The following IL23R variants were observed in gnomAD, a reference collection of about 807,000 sequenced individuals.
The protein encoded by IL23R is interleukin 23 receptor, also known as interleukin-23 receptor.
IL23R carries 34 observed loss-of-function variants against 56.9 expected under a neutral mutation model. That is an observed-to-expected ratio of 0.60 (90% confidence interval 0.45 to 0.80). The LOEUF is 0.80. Ranked by LOEUF, IL23R falls within the 30% of genes least tolerant of loss-of-function variation. The pLI is 0.00. For missense variants in IL23R, 635 were observed against 730.0 expected (o/e 0.87, Z 1.50); for synonymous variants, 230 against 249.2 (o/e 0.92, Z 0.73).
intron 7 of IL23R, among the ~76,000 whole-genome samples, chr1:67,227,845 C>T (rs562247351): frequency 2.6e-5 from 4 of 152,260 alleles, no homozygotes; most frequent in East Asian, 3.9e-4. Flanking sequence ...CAGGTCCTGC[C>T]TCTGATAAAC....
intron 1 of IL23R, among the ~76,000 whole-genome samples, chr1:67,139,605 T>C (rs1646616012): frequency 6.6e-6 from 1 of 152,244 alleles, no homozygotes; most frequent in African/African-American, 2.4e-5. Flanking sequence ...ACAGTAAACA[T>C]ATTCATTTGT....
intron 4 of IL23R, among the ~76,000 whole-genome samples, chr1:67,200,197 G>T (rs1029291212): frequency 1.3e-5 from 2 of 151,504 alleles, no homozygotes; most frequent in Non-Finnish European, 2.9e-5. Context: ...CTGCCACCAC[G>T]CCCGGCTAAT....
chr1:67,160,877 A>G lies in IL23R; in HGVS notation c.-633-7215A>G, dbSNP rs554812403. On this transcript the variant is annotated intron_variant, in intron 1 of 10. Coordinates refer to the IL23R transcript ENST00000637002. ...CAGAGCTCTATTCTTTATCTGAAAAATTCTCTAAAAGTATTTAGGACATTA... is the reference window on the plus strand; with the variant it reads ...CAGAGCTCTATTCTTTATCTGAAAAGTTCTCTAAAAGTATTTAGGACATTA... 3.9e-5 allele frequency among the ~76,000 whole-genome samples: 6 copies of G among 152,258 alleles called. No homozygotes were observed. The South Asian group carries it at 6.2e-4, about 16-fold the overall frequency.
chr1:67,226,450 G>A (rs1570886888), intron 7 of IL23R, among the ~76,000 whole-genome samples: 1 of 152,156 alleles, frequency 6.6e-6, no homozygotes, highest in South Asian at 2.1e-4. Context: ...CTGTCCAGCG[G>A]CCGATCTCCT....
At chr1:67,255,763 A>G (rs1652910702) in intron 9 of IL23R, 74 bp from the exon 10 acceptor site, 6 of 798,112 alleles carry the variant, frequency 7.5e-6, no homozygotes, top group Non-Finnish European at 4.4e-6. Context: ...TTTAATATAC[A>G]TTTTATTCTA....
chr1:67,255,165 A>G (rs543710580), intron 9 of IL23R, among the ~76,000 whole-genome samples: 5 of 152,328 alleles, frequency 3.3e-5, no homozygotes, highest in African/African-American at 1.2e-4. Context: ...AAGTTCTACA[A>G]AATATCCCTT....
chr1:67,205,329 A>G (rs1648926484), intron 5 of IL23R, among the ~76,000 whole-genome samples: 3 of 152,260 alleles, frequency 2.0e-5, no homozygotes, highest in Admixed American at 6.5e-5. Flanking sequence ...TATAATAGTC[A>G]TTGTAGTAAA....
downstream of IL23R, among the ~76,000 whole-genome samples, chr1:67,262,213 A>T (rs972104166): frequency 6.6e-6 from 1 of 152,232 alleles, no homozygotes; most frequent in African/African-American, 2.4e-5. Flanking sequence ...TAACAAAACC[A>T]GTCAATCCCT....
intron 1 of IL23R, among the ~76,000 whole-genome samples, chr1:67,160,089 G>A (rs2102542706): frequency 6.6e-6 from 1 of 152,232 alleles, no homozygotes; most frequent in African/African-American, 2.4e-5. Context: ...CTGGACTCAA[G>A]CAATCCACCC....
chr1:67,146,879 C>G (rs1382447388), intron 1 of IL23R, among the ~76,000 whole-genome samples: 2 of 152,174 alleles, frequency 1.3e-5, no homozygotes, highest in Admixed American at 1.3e-4. Flanking sequence ...TGCTCTTCCC[C>G]CTTTCCAAGT....
intron 6 of IL23R, among the ~76,000 whole-genome samples, chr1:67,219,346 C>T (rs993339369): frequency 6.6e-6 from 1 of 152,074 alleles, no homozygotes; most frequent in African/African-American, 2.4e-5. Flanking sequence ...CCAGCCTGGG[C>T]AATAGAGCGA....
chr1:67,148,903 G>T (rs1379408912), intron 1 of IL23R, among the ~76,000 whole-genome samples: 1 of 152,094 alleles, frequency 6.6e-6, no homozygotes, highest in African/African-American at 2.4e-5. Context: ...TGAGATCTGG[G>T]TTCCTAAGAC....
intron 5 of IL23R, among the ~76,000 whole-genome samples, chr1:67,202,088 G>A (rs1648679078): frequency 6.6e-6 from 1 of 152,212 alleles, no homozygotes; most frequent in Non-Finnish European, 1.5e-5. Context: ...TCAGCCAAAT[G>A]ACACCAAGTC....
intron 3 of IL23R, among the ~76,000 whole-genome samples, chr1:67,179,442 T>A (rs1410435137): frequency 6.6e-6 from 1 of 152,234 alleles, no homozygotes; most frequent in African/African-American, 2.4e-5. Flanking sequence ...TAGTTTGTAT[T>A]TCTGTGGGAT....
At chr1:67,225,692 T>A (rs956224028) in intron 7 of IL23R, among the ~76,000 whole-genome samples, 4 of 152,022 alleles carry the variant, frequency 2.6e-5, no homozygotes, top group Non-Finnish European at 5.9e-5. Flanking sequence ...GCATTTTTAG[T>A]AGAGACAGGG....
chr1:67,154,576 G>T (rs542417849), intron 1 of IL23R, among the ~76,000 whole-genome samples: 82 of 151,986 alleles, frequency 5.4e-4, no homozygotes, highest in African/African-American at 1.9e-3. Context: ...AACTAGGATT[G>T]CAAGCCCTGT....
chr1:67,144,349 C>G (rs149479991), intron 1 of IL23R, among the ~76,000 whole-genome samples: 173 of 152,312 alleles, frequency 1.1e-3, no homozygotes, highest in African/African-American at 3.7e-3. Context: ...GGCATTCCTT[C>G]TAGAAACAGG....
At chr1:67,170,056 A>G (rs1440196614) in intron 3 of IL23R, among the ~76,000 whole-genome samples, 3 of 152,200 alleles carry the variant, frequency 2.0e-5, no homozygotes, top group African/African-American at 7.2e-5. Context: ...CTAAACTAAT[A>G]TAATATAATT....
At chr1:67,206,738 C>G (rs952711865) in intron 5 of IL23R, among the ~76,000 whole-genome samples, 172 bp from the exon 6 acceptor site, 5 of 150,440 alleles carry the variant, frequency 3.3e-5, no homozygotes, top group African/African-American at 1.2e-4. Context: ...CAGTTTTCTT[C>G]TATGTAACAA....
Sources: gnomAD v4.1 joint callset for allele counts (sites outside exome capture counted in the v4.1 genomes callset) on GRCh38, gnomAD v4.1.1 for gene constraint, MANE v1.5 for transcripts, NCBI Gene and HGNC (gene_info 2026-07-23, HGNC 2026-07-21) for gene names.